CABIN1: variants seen among roughly 807,000 people sequenced by gnomAD.
CABIN1 encodes calcineurin binding protein 1.
CABIN1 carries 133 observed loss-of-function variants against 227.7 expected under a neutral mutation model. The observed-to-expected ratio is 0.58, with a 90% CI of 0.51 to 0.67. The LOEUF is 0.67. CABIN1 is among the 30% of genes least tolerant of loss of function. CABIN1 has a pLI of 0.00. For missense variants in CABIN1, 2,408 were observed against 2,852.5 expected (o/e 0.84, Z 3.55); for synonymous variants, 1,086 against 1,155.1 (o/e 0.94, Z 1.21).
At chr22:24,019,936 C>T (rs900996732) in intron 1 of CABIN1, among the ~76,000 whole-genome samples, 3 of 152,082 alleles carry the variant, frequency 2.0e-5, no homozygotes, top group Non-Finnish European at 2.9e-5. Context: ...GGATTACAGG[C>T]GTGAGTCACT....
chr22:24,027,774 A>G (rs2036201973), intron 1 of CABIN1, among the ~76,000 whole-genome samples: 1 of 152,242 alleles, frequency 6.6e-6, no homozygotes, highest in Non-Finnish European at 1.5e-5. Context: ...TTTGCCAGGT[A>G]CTGGCACTGG....
chr22:24,060,028 A>C lies in CABIN1; in HGVS notation c.1504A>C (p.Arg502=), dbSNP rs745601678. 6.2e-7 allele frequency: 1 copy of C among 1,614,180 alleles called. No homozygotes were observed. Among genetic ancestry groups the C allele is most frequent in the Non-Finnish European group, 8.5e-7 (1 of 1,180,030 alleles). Residue 502 remains arginine (R), a synonymous_variant, in exon 12 of 37, where the codon AGG becomes CGG. Coordinates refer to ENST00000263119, the MANE Select transcript of CABIN1 (RefSeq NM_012295.4). ...AGCCATGGGCCACAAGTTCTTGGTA[A>C]GGTGGCCTCCAGGCTTGGCGGAGGT... ...LKAMGHKFLV[R]WPPGLAEVVL...
intron 6 of CABIN1, 128 bp downstream of exon 6, chr22:24,043,212 G>A: frequency 1.4e-6 from 1 of 715,718 alleles, no homozygotes. Context: ...AGGGAGAATG[G>A]CAATGTTCTT....
chr22:24,158,989 G>A (rs764070802), intron 29 of CABIN1, among the ~76,000 whole-genome samples: 16 of 152,172 alleles, frequency 1.1e-4, no homozygotes, highest in Non-Finnish European at 2.1e-4. Flanking sequence ...GTTTTACCTG[G>A]AATACTACTT....
chr22:24,101,517 C>T (rs772689202), intron 26 of CABIN1, among the ~76,000 whole-genome samples: 19 of 152,158 alleles, frequency 1.2e-4, no homozygotes, highest in East Asian at 3.8e-4. Context: ...CAGCCCTTCA[C>T]GGAACAGCCA....
intron 1 of CABIN1, among the ~76,000 whole-genome samples, chr22:24,026,712 T>A (rs2036116714): frequency 1.3e-5 from 2 of 152,238 alleles, no homozygotes; most frequent in South Asian, 4.1e-4. Flanking sequence ...TTTGGGTTCT[T>A]ATGGACTCTG....
chr22:24,091,173 A>G (rs1658761767), intron 23 of CABIN1, among the ~76,000 whole-genome samples: 2 of 152,060 alleles, frequency 1.3e-5, no homozygotes, highest in Admixed American at 1.3e-4. Context: ...AGGGGTACAC[A>G]CCCTCTCCTG....
At chr22:24,129,190 A>G (rs982734827) in intron 28 of CABIN1, among the ~76,000 whole-genome samples, 2 of 152,156 alleles carry the variant, frequency 1.3e-5, no homozygotes, top group African/African-American at 4.8e-5. Context: ...CCCCCACTAC[A>G]TGCAGGGCCC....
intron 4 of CABIN1, among the ~76,000 whole-genome samples, chr22:24,039,581 G>T (rs1260364977): frequency 6.6e-6 from 1 of 152,182 alleles, no homozygotes; most frequent in Non-Finnish European, 1.5e-5. Flanking sequence ...GGACCAGTTG[G>T]TGGGCATGTT....
At chr22:24,120,593 A>C (rs2043351898) in intron 28 of CABIN1, among the ~76,000 whole-genome samples, 1 of 152,138 alleles carries the variant, frequency 6.6e-6, no homozygotes, top group African/African-American at 2.4e-5. Context: ...AGGCTGAGGC[A>C]GGGGGATCAC....
intron 1 of CABIN1, among the ~76,000 whole-genome samples, chr22:24,024,597 G>A (rs1391395784): frequency 2.0e-5 from 3 of 152,008 alleles, no homozygotes; most frequent in Admixed American, 6.6e-5. Flanking sequence ...TTATTTCTTC[G>A]AATAATTTTT....
chr22:24,094,138 C>T (rs1345422298), intron 24 of CABIN1, among the ~76,000 whole-genome samples: 1 of 152,208 alleles, frequency 6.6e-6, no homozygotes, highest in Non-Finnish European at 1.5e-5. Context: ...CTTAAGTCAC[C>T]TGCAGGAACA....
Position 24,055,135 on chromosome 22 carries a change from C to T in CABIN1, c.1069C>T (p.Leu357=). The part of the protein sequence containing the change: ...TTSFPLHSPG[L]LETGAPVGDI... The stretch of plus-strand genomic sequence containing the variant: ...CAGCTTCCCACTGCACAGTCCTGGT[C>T]TGTTGGAGACAGGCGCTCCTGTGGG... Residue 357 remains leucine, a synonymous_variant, in exon 9 of 37, where the codon CTG becomes TTG. Coordinates refer to ENST00000263119, the MANE Select transcript of CABIN1 (RefSeq NM_012295.4). 6.2e-7 allele frequency: 1 copy of T among 1,613,212 alleles called. No homozygotes were observed. The highest frequency in any genetic ancestry group is 8.5e-7 in the Non-Finnish European group (1 of 1,180,036).
chr22:24,164,605 G>A (rs925413997), intron 30 of CABIN1, 42 bp downstream of exon 30: 1 of 1,589,474 alleles, frequency 6.3e-7, no homozygotes, highest in Non-Finnish European at 8.5e-7. Context: ...ATGCTGTGTG[G>A]GTCAGGGGCA....
At chr22:24,019,277 T>C (rs529762956) in intron 1 of CABIN1, among the ~76,000 whole-genome samples, 24 of 152,074 alleles carry the variant, frequency 1.6e-4, no homozygotes, top group African/African-American at 5.5e-4. Context: ...ATTACAGGCA[T>C]GCGCCACCAT....
intron 26 of CABIN1, among the ~76,000 whole-genome samples, chr22:24,112,756 T>C (rs2042878695): frequency 6.6e-6 from 1 of 152,150 alleles, no homozygotes; most frequent in Admixed American, 6.5e-5. Context: ...TCCCTTAGAA[T>C]AGAAGGTTTT....
At chr22:24,083,064 C>T (rs573168894) in intron 19 of CABIN1, among the ~76,000 whole-genome samples, 164 bp from the exon 20 acceptor site, 1 of 152,292 alleles carries the variant, frequency 6.6e-6, no homozygotes, top group South Asian at 2.1e-4. Flanking sequence ...AAGACTTTTC[C>T]AGGAAACAGG....
rs773455407 is a variant in CABIN1 at position 24,168,520 on chromosome 22, A to T, written c.5756A>T (p.Gln1919Leu). The T allele has an allele frequency of 6.4e-7, 1 of 1,555,354 alleles. No individual in the cohort carries two copies. The highest frequency in any genetic ancestry group is 1.2e-5 in the South Asian group (1 of 84,434). ...QVHLGAAAQR[Q>L]ASGDTPTTPK... The stretch of plus-strand genomic sequence containing the variant: ...CATCTTGGGGCTGCCGCCCAGAGAC[A>T]GGTAAGCCCAATTTAGCCTGTGCCA... The change falls in exon 33 of 37, where the codon CAG (glutamine) becomes CTG (leucine). Residue 1919 changes from glutamine to leucine, a missense_variant and splice_region_variant. Around this residue, in one of 3 missense-constraint regions of CABIN1, gnomAD observed 714 missense variants for 773.8 expected, o/e 0.92. Coordinates refer to ENST00000263119, the MANE Select transcript of CABIN1 (RefSeq NM_012295.4).
rs2039734340 is a variant in CABIN1, at chr22:24,067,060, A to G, written c.2111A>G (p.Asp704Gly). 2.5e-6 allele frequency: 4 copies of G among 1,614,066 alleles called. No homozygotes were observed. Among genetic ancestry groups the G allele is most frequent in the Non-Finnish European group, 3.4e-6 (4 of 1,180,032 alleles). ...EEIQRLYEAG[D>G]YKAVVHLLRP... is the part of the protein sequence containing the mutation. ...ATTCAGCGGCTGTATGAAGCAGGCG[A>G]CTACAAGGCTGTTGTGCATCTGCTC... The change falls in exon 16 of 37, where the codon GAC (aspartate) becomes GGC (glycine). Residue 704 changes from aspartate (D) to glycine (G), a missense_variant. By Grantham distance (94) the Asp-to-Gly change is moderately conservative. Coordinates refer to ENST00000263119, the MANE Select transcript of CABIN1 (RefSeq NM_012295.4).
Sources: gnomAD v4.1 joint callset for allele counts (sites outside exome capture counted in the v4.1 genomes callset) on GRCh38, gnomAD v4.1.1 for gene constraint, gnomAD v4.1.1 regional missense constraint, MANE v1.5 for transcripts, NCBI Gene and HGNC (gene_info 2026-07-23, HGNC 2026-07-21) for gene names.